TBL1Y: variants seen among roughly 807,000 people sequenced by gnomAD.
The protein encoded by TBL1Y is transducin beta like 1 Y-linked, also known as F-box-like/WD repeat-containing protein TBL1Y.
In TBL1Y, 15 loss-of-function variants were observed where a neutral mutation model predicts 12.0. The ratio of observed to expected loss-of-function variants is 1.25; its 90% CI spans 0.83 to 1.92. The LOEUF (loss-of-function observed/expected upper bound fraction) is 1.92, where lower values mean the gene tolerates loss of function less well. TBL1Y is among the 40% of genes most tolerant of loss of function. The pLI is 0.00. For missense variants in TBL1Y, 148 were observed against 116.7 expected (o/e 1.27, Z -1.24); for synonymous variants, 53 against 42.6 (o/e 1.24, Z -0.95).
chrY:7,003,151 T>C (rs2012462883), intron 4 of TBL1Y, among the ~76,000 whole-genome samples: 1 of 34,076 alleles, frequency 2.9e-5, no homozygotes, highest in Non-Finnish European at 7.3e-5. Flanking sequence ...AGCAGCTTCC[T>C]ACCACACTAA....
intron 6 of TBL1Y, among the ~76,000 whole-genome samples, chrY:7,035,511 A>G (rs770824053): frequency 2.9e-5 from 1 of 34,383 alleles, no homozygotes; most frequent in Admixed American, 2.6e-4. Context: ...ACGCATGTTT[A>G]TTGCGGCACT....
chrY:6,998,732 C>T, intron 4 of TBL1Y, among the ~76,000 whole-genome samples: 1 of 33,309 alleles, frequency 3.0e-5, no homozygotes, highest in Non-Finnish European at 7.4e-5. Context: ...CCTCAGTTCC[C>T]ACCTACACCA....
chrY:7,078,854 T>C, intron 13 of TBL1Y, among the ~76,000 whole-genome samples: 1 of 33,571 alleles, frequency 3.0e-5, no homozygotes, highest in Non-Finnish European at 7.4e-5. Context: ...TTCTTGCTTA[T>C]CAGTTCTCTG....
intron 2 of TBL1Y, among the ~76,000 whole-genome samples, chrY:6,969,596 C>T: frequency 3.0e-5 from 1 of 33,139 alleles, no homozygotes; most frequent in Non-Finnish European, 7.4e-5. Context: ...TAAATAAGGT[C>T]CTCAGAAAAA....
At chrY:6,962,356 T>C (rs754715778) in intron 2 of TBL1Y, among the ~76,000 whole-genome samples, 99 of 33,837 alleles carry the variant, frequency 2.9e-3, no homozygotes, top group Non-Finnish European at 5.4e-3. Flanking sequence ...TGTGCTCGAA[T>C]ATGAGTAATA....
chrY:6,957,969 G>A, intron 2 of TBL1Y, among the ~76,000 whole-genome samples: 1 of 33,539 alleles, frequency 3.0e-5, no homozygotes, highest in Non-Finnish European at 7.4e-5. Context: ...AGAAAGCGGA[G>A]GAGTTTGCTT....
intron 2 of TBL1Y, among the ~76,000 whole-genome samples, chrY:6,974,261 G>A: frequency 8.9e-5 from 3 of 33,823 alleles, no homozygotes; most frequent in Admixed American, 8.2e-4. Flanking sequence ...GGATTGAGAT[G>A]GGATTTCTTT....
At chrY:7,014,705 A>G in intron 4 of TBL1Y, among the ~76,000 whole-genome samples, 2 of 33,314 alleles carry the variant, frequency 6.0e-5, no homozygotes, top group Non-Finnish European at 1.5e-4. Context: ...TTTATTTGTC[A>G]TGATTATAAC....
At chrY:6,914,335 C>T (rs2011719312) in intron 2 of TBL1Y, among the ~76,000 whole-genome samples, 1 of 31,763 alleles carries the variant, frequency 3.1e-5, no homozygotes, top group Non-Finnish European at 7.6e-5. Flanking sequence ...CACACATCTG[C>T]GCTCCATCCT....
chrY:6,957,689 CT>C (rs2012079044), intron 2 of TBL1Y, among the ~76,000 whole-genome samples: 1 of 33,429 alleles, frequency 3.0e-5, no homozygotes, highest in Admixed American at 2.8e-4. Flanking sequence ...CCTTATGGGT[CT>C]TTTAACCTAC....
chrY:6,984,222 A>C, intron 3 of TBL1Y, among the ~76,000 whole-genome samples: 1 of 32,701 alleles, frequency 3.1e-5, no homozygotes, highest in Non-Finnish European at 7.5e-5. Context: ...GCCAGCGTGC[A>C]CTGCCCCTGC....
Position 6,994,121 on chromosome Y carries a change from T to C in TBL1Y, c.-234-1683T>C, listed in dbSNP as rs1050873244. Among the ~76,000 whole-genome samples, 3 of 33,380 alleles carry C rather than the reference T, an allele frequency of 9.0e-5. No homozygotes were observed. In the South Asian group the frequency reaches 2.1e-3, roughly 23 times the overall value. The allele number at this position is 33,380 out of a possible 37,273, so 89.6% of individuals were successfully genotyped here. A position where few individuals can be genotyped will look rare whatever the true frequency, so the allele number is the denominator to read the frequency against. On this transcript the variant is annotated intron_variant, in intron 3 of 18. Transcript: ENST00000383032. ...ATGTAGAATTCCTAAAAAATCAAAC[T>C]GAGTTCTTGATTAAATATTGAAATG...
chrY:6,993,661 G>T, intron 3 of TBL1Y, among the ~76,000 whole-genome samples: 2 of 31,866 alleles, frequency 6.3e-5, no homozygotes, highest in Middle Eastern at 0.014. Context: ...TTCTGTTCTT[G>T]TGTTAGTTTG....
chrY:7,054,672 C>T, intron 7 of TBL1Y, among the ~76,000 whole-genome samples: 2 of 34,215 alleles, frequency 5.8e-5, no homozygotes, highest in Admixed American at 5.3e-4. Context: ...GCTTCTGATT[C>T]AGTGAGGTGC....
intron 13 of TBL1Y, among the ~76,000 whole-genome samples, chrY:7,075,495 A>G: frequency 8.9e-5 from 3 of 33,671 alleles, no homozygotes; most frequent in African/African-American, 3.5e-4. Flanking sequence ...GATGAGGTAG[A>G]TGGTGCTGAG....
At position 7,043,029 on chromosome Y, in the gene TBL1Y, G is replaced by A; in HGVS notation, c.108G>A (p.Gln36=). The A allele has an allele frequency of 1.0e-5, 4 of 398,308 alleles. No individual in the cohort carries two copies. Among genetic ancestry groups the A allele is most frequent in the Non-Finnish European group, 1.4e-5 (4 of 283,569 alleles). ...TTGGGATCGAGAGCCACATCAGCCAGTCCAACATCAATGGGACACTAGTGC... is the reference window on the plus strand; with the variant it reads ...TTGGGATCGAGAGCCACATCAGCCAATCCAACATCAATGGGACACTAGTGC... ...FTFGIESHIS[Q]SNINGTLVPP... Residue 36 remains glutamine (Q), a synonymous_variant, in exon 7 of 19, where the codon CAG becomes CAA. Coordinates refer to ENST00000383032, the MANE Select transcript of TBL1Y (RefSeq NM_033284.2).
Position 7,001,859 on chromosome Y carries a change from T to G in TBL1Y, c.-140+5961T>G, listed in dbSNP as rs549162545. Among the ~76,000 whole-genome samples, 23 of 34,320 alleles carry G rather than the reference T, an allele frequency of 6.7e-4. No homozygotes were observed. The South Asian group carries it at 0.015, about 22-fold the overall frequency. The allele number at this position is 34,320 out of a possible 37,273, so 92.1% of individuals were successfully genotyped here. ...ATTATGATGCTACTCATCCCTTAAA[T>G]GTAGACAAAATGGGGACAATAGCTC... is the stretch of plus-strand genomic sequence containing the variant. On this transcript the variant is annotated intron_variant, in intron 4 of 18. Transcript: ENST00000383032.
chrY:6,917,202 A>G, intron 2 of TBL1Y, among the ~76,000 whole-genome samples: 1 of 34,632 alleles, frequency 2.9e-5, no homozygotes, highest in Non-Finnish European at 7.3e-5. Flanking sequence ...CTCCTGTCAG[A>G]TCAACAGTGG....
At chrY:6,975,181 C>G in intron 2 of TBL1Y, among the ~76,000 whole-genome samples, 1 of 33,643 alleles carries the variant, frequency 3.0e-5, no homozygotes, top group South Asian at 6.7e-4. Flanking sequence ...TTGCACGTGT[C>G]AGAAGTCTAG....
Sources: allele counts gnomAD v4.1 joint callset (sites outside exome capture counted in the v4.1 genomes callset), GRCh38; gene constraint gnomAD v4.1.1; transcripts MANE v1.5; gene names NCBI Gene and HGNC (gene_info 2026-07-23, HGNC 2026-07-21).